The following SUCNR1 variants were observed in gnomAD, a reference collection of about 807,000 sequenced individuals.
SUCNR1 encodes the protein G-protein coupled receptor 91.
A neutral mutation model predicts 2.4 loss-of-function variants in SUCNR1; 5 were observed. The ratio of observed to expected loss-of-function variants is 2.07; its 90% CI spans 1.08 to 4.36. SUCNR1 has a LOEUF of 4.36. Ranked by LOEUF, SUCNR1 falls within the 30% of genes most tolerant of loss-of-function variation. The pLI, the probability that SUCNR1 is intolerant of heterozygous loss-of-function variation, is 0.00. For synonymous variants in SUCNR1, 162 were observed against 143.9 expected, an observed-to-expected ratio of 1.13 and a Z score of -0.90; for missense variants, 373 against 399.2, an observed-to-expected ratio of 0.93 and a Z score of 0.56.
At position 151,883,738 on chromosome 3, in the gene SUCNR1, G is replaced by A. The variant is rs559953034; in HGVS notation, c.*2190G>A. On this transcript the variant is annotated 3_prime_UTR_variant, in exon 3 of 3. Coordinates refer to ENST00000362032, the MANE Select transcript of SUCNR1 (RefSeq NM_033050.6). ...CTAAAGGAAATAATATTGAGCTTTT[G>A]TATTTTGTCTTTTAATTGGCTCCCT... 8.8e-4 allele frequency: 133 copies of A among 151,946 alleles called. 1 individual carries two copies. The highest frequency in any genetic ancestry group is 3.0e-3 in the African/African-American group (126 of 41,472). The allele number at this position is 151,946 out of a possible 1,614,324, so 9.4% of individuals were successfully genotyped here.
Position 151,881,052 on chromosome 3 carries a change from C to T in SUCNR1, c.509C>T (p.Thr170Ile). The T allele has an allele frequency of 6.2e-7, 1 of 1,614,158 alleles. No homozygotes were observed. The highest frequency in any genetic ancestry group is 8.5e-7 in the Non-Finnish European group (1 of 1,180,024). ...LINPVITDNG[T>I]TCNDFASSGD... ...AATCCTGTTATAACTGACAATGGCA[C>T]CACCTGTAATGATTTTGCAAGTTCT... is the stretch of plus-strand genomic sequence containing the variant. The change falls in exon 3 of 3, where the codon ACC (threonine) becomes ATC (isoleucine). Residue 170 changes from threonine (T) to isoleucine (I), a missense_variant. Thr to Ile is a moderately conservative substitution (Grantham distance 89, BLOSUM62 -1). Coordinates refer to ENST00000362032, the MANE Select transcript of SUCNR1 (RefSeq NM_033050.6).
In SUCNR1 at chr3:151,880,861, C is replaced by T; in HGVS notation, c.318C>T (p.Leu106=). The change falls in exon 3 of 3, where the codon CTC becomes CTT. Residue 106 remains leucine (L), a synonymous_variant. Transcript: ENST00000362032. ...ACCGATATGTGCTTCATGCCAACCT[C>T]TATACCAGCATTCTCTTTCTCACTT... is the stretch of plus-strand genomic sequence containing the variant. ...ISNRYVLHAN[L]YTSILFLTFI... The T allele has an allele frequency of 6.2e-7, 1 of 1,614,146 alleles. No individual in the cohort carries two copies. The highest frequency in any genetic ancestry group is 8.5e-7 in the Non-Finnish European group (1 of 1,180,016).
chr3:151,880,138 C>CT (rs1376391118), intron 2 of SUCNR1, among the ~76,000 whole-genome samples: 2 of 152,120 alleles, frequency 1.3e-5, no homozygotes, highest in Admixed American at 1.3e-4. Flanking sequence ...AAGCCTCTCC[C>CT]TTATCACCAC....
Position 151,881,574 on chromosome 3 carries a change from C to T in SUCNR1, c.*26C>T. ...GGGGCTTGTGAAACAGATTGTTCTA[C>T]AGATGAATCTGTAAGCCAGTTACAG... On this transcript the variant is annotated 3_prime_UTR_variant, in exon 3 of 3. Coordinates refer to ENST00000362032, the MANE Select transcript of SUCNR1 (RefSeq NM_033050.6). The T allele has an allele frequency of 1.3e-6, 2 of 1,550,056 alleles. No homozygotes were observed. Among genetic ancestry groups the T allele is most frequent in the South Asian group, 1.3e-5 (1 of 79,242 alleles).
chr3:151,875,545 C>T (rs1329508362), intron 1 of SUCNR1, among the ~76,000 whole-genome samples: 1 of 151,810 alleles, frequency 6.6e-6, no homozygotes, highest in Non-Finnish European at 1.5e-5. Flanking sequence ...AATTATAAAA[C>T]ATCATAAAAA....
chr3:151,883,571 C>T lies in SUCNR1; in HGVS notation c.*2023C>T, dbSNP rs1407774584. ...TTTAAAATTATTTTCTTCCTCAAAT[C>T]TATCATGTGGTAACTTAATCTTTAA... is the stretch of plus-strand genomic sequence containing the variant. On this transcript the variant is annotated 3_prime_UTR_variant, in exon 3 of 3. Transcript: ENST00000362032. 6.9e-6 allele frequency: 1 copy of T among 145,510 alleles called. No homozygotes were observed. Among genetic ancestry groups the T allele is most frequent in the Admixed American group, 7.1e-5 (1 of 14,170 alleles). The allele number at this position is 145,510 out of a possible 1,614,324, so 9.0% of individuals were successfully genotyped here.
chr3:151,878,248 T>A (rs1316411731), intron 1 of SUCNR1, among the ~76,000 whole-genome samples: 1 of 152,082 alleles, frequency 6.6e-6, no homozygotes, highest in South Asian at 2.1e-4. Flanking sequence ...CACGTGAAAC[T>A]AGGGAGAGTT....
At chr3:151,876,187 G>A (rs1180675051) in intron 1 of SUCNR1, among the ~76,000 whole-genome samples, 2 of 152,056 alleles carry the variant, frequency 1.3e-5, no homozygotes, top group Non-Finnish European at 2.9e-5. Context: ...GCCTGAGAAG[G>A]TCCAACATTT....
chr3:151,882,827 T>TTAAAGTCAAACAAC lies in SUCNR1; in HGVS notation c.*1282_*1295dup, dbSNP rs1718142098. 2 of 152,148 alleles carry TTAAAGTCAAACAAC rather than the reference T, an allele frequency of 1.3e-5. 1 individual carries two copies. The highest frequency in any genetic ancestry group is 4.1e-4 in the South Asian group (2 of 4,832). 9.4% of individuals were successfully genotyped at this position (152,148 alleles called of 1,614,324 possible). A position where few individuals can be genotyped will look rare whatever the true frequency, so the allele number is the denominator to read the frequency against. The stretch of plus-strand genomic sequence containing the variant: ...AAAAAATGGGTGCTGCATTAGCTTT[T>TTAAAGTCAAACAAC]TAAAGTCAAACAACTATCACATAAT... On this transcript the variant is annotated 3_prime_UTR_variant, in exon 3 of 3. Transcript: ENST00000362032.
chr3:151,874,909 A>G, intron 1 of SUCNR1, among the ~76,000 whole-genome samples: 1 of 152,054 alleles, frequency 6.6e-6, no homozygotes, highest in East Asian at 1.9e-4. Context: ...TACAAATGTT[A>G]TTTGTTTAAT....
At position 151,880,736 on chromosome 3, in the gene SUCNR1, C is replaced by A; in HGVS notation, c.193C>A (p.Leu65Ile). The change falls in exon 3 of 3, where the codon CTC (leucine) becomes ATC (isoleucine). Residue 65 changes from leucine (L) to isoleucine (I), a missense_variant. Physicochemically the swap from Leu to Ile is conservative, Grantham distance 5. This residue lies in a region of SUCNR1 where 184 missense variants were observed against 162.2 expected (regional missense o/e 1.13). Transcript: ENST00000362032. Reference protein sequence around the residue: ...WNSSNIYLFNLSVSDLAFLCT... With the variant: ...WNSSNIYLFNISVSDLAFLCT... The stretch of plus-strand genomic sequence containing the variant: ...CAGCAGTAATATTTATCTCTTTAAC[C>A]TCTCTGTCTCTGACTTAGCTTTTCT... 9 of 1,614,008 alleles carry A rather than the reference C, an allele frequency of 5.6e-6. No individual in the cohort carries two copies. The highest frequency in any genetic ancestry group is 7.6e-6 in the Non-Finnish European group (9 of 1,179,900).
At position 151,874,157 on chromosome 3, in the gene SUCNR1, T is replaced by A. The variant is rs1329878202; in HGVS notation, c.-42+451T>A. On this transcript the variant is annotated intron_variant, in intron 1 of 2. Transcript: ENST00000362032. ...ATATATATATATATATTTTTTTTTT[T>A]TTTTTTTTTTTTTAAGACAGAGTTT... Among the ~76,000 whole-genome samples, 150 of 102,876 alleles carry A rather than the reference T, an allele frequency of 1.5e-3. 2 individuals are homozygous for A. The highest frequency in any genetic ancestry group is 3.7e-3 in the South Asian group (12 of 3,210). The allele number at this position is 102,876 out of a possible 152,430, so 67.5% of individuals were successfully genotyped here. A position where few individuals can be genotyped will look rare whatever the true frequency, so the allele number is the denominator to read the frequency against.
intron 2 of SUCNR1, 31 bp downstream of exon 2, chr3:151,879,938 A>G: frequency 1.3e-6 from 2 of 1,529,348 alleles, no homozygotes; most frequent in African/African-American, 1.4e-5. Flanking sequence ...GTGAATTCAA[A>G]ATCTTCTCTT....
chr3:151,874,142 ATATATTTTTTTTTTTTT>A (rs1717841915), intron 1 of SUCNR1, among the ~76,000 whole-genome samples: 2 of 53,162 alleles, frequency 3.8e-5, no homozygotes, highest in Non-Finnish European at 8.0e-5. Flanking sequence ...ATATATATAT[ATATATTTTTTTTTTTTT>A]TTTTTTTTTT....
rs201402522 is a variant in SUCNR1 at position 151,883,502 on chromosome 3, A to ATATG, written c.*1957_*1960dup. The ATATG allele has an allele frequency of 1.4e-4, 16 of 115,424 alleles. No homozygotes were observed. The highest frequency in any genetic ancestry group is 1.9e-5 in the Non-Finnish European group (1 of 53,284). 7.1% of individuals were successfully genotyped at this position (115,424 alleles called of 1,614,324 possible). On this transcript the variant is annotated 3_prime_UTR_variant, in exon 3 of 3. Coordinates refer to ENST00000362032, the MANE Select transcript of SUCNR1 (RefSeq NM_033050.6). ...TATATATATATATATATATATATATATATGTACCTTGTAAACAAGAGGTTA... is the reference window on the plus strand; with the variant it reads ...TATATATATATATATATATATATATATATGTATGTACCTTGTAAACAAGAGGTTA...
In SUCNR1 at chr3:151,882,301, A is replaced by T. The variant is rs1021834318; in HGVS notation, c.*753A>T. 3.9e-5 allele frequency: 6 copies of T among 152,170 alleles called. No homozygotes were observed. The highest frequency in any genetic ancestry group is 8.8e-5 in the Non-Finnish European group (6 of 68,006). The allele number at this position is 152,170 out of a possible 1,614,324, so 9.4% of individuals were successfully genotyped here. On this transcript the variant is annotated 3_prime_UTR_variant, in exon 3 of 3. Coordinates refer to ENST00000362032, the MANE Select transcript of SUCNR1 (RefSeq NM_033050.6). ...TAGAACACAAAATGCCTATCAGGAA[A>T]CCCAAAGCAAAACAGAACAAAAAGT... is the stretch of plus-strand genomic sequence containing the variant.
Position 151,882,667 on chromosome 3 carries a change from C to G in SUCNR1, c.*1119C>G, listed in dbSNP as rs1718137705. On this transcript the variant is annotated 3_prime_UTR_variant, in exon 3 of 3. Transcript: ENST00000362032. ...GTTTTCATGCAACATTACCATAAGA[C>G]CATTGGAGTAAATGTTTCAAACAAA... 1 of 152,136 alleles carries G rather than the reference C, an allele frequency of 6.6e-6. No individual in the cohort carries two copies. The highest frequency in any genetic ancestry group is 2.1e-4 in the South Asian group (1 of 4,826). The allele number at this position is 152,136 out of a possible 1,614,324, so 9.4% of individuals were successfully genotyped here.
chr3:151,880,426 G>A, intron 2 of SUCNR1, 133 bp from the exon 3 acceptor site: 1 of 665,378 alleles, frequency 1.5e-6, no homozygotes, highest in South Asian at 2.0e-5. Context: ...ATGTGTGTAT[G>A]CTTTCCTTAC....
rs1718145712 is a variant in SUCNR1 at position 151,882,989 on chromosome 3, C to T, written c.*1441C>T. ...ATACAGAGACATAAAATTCCACTGTCCCTTCCTTTTCTGAAATACTCTGGG... is the reference window on the plus strand; with the variant it reads ...ATACAGAGACATAAAATTCCACTGTTCCTTCCTTTTCTGAAATACTCTGGG... On this transcript the variant is annotated 3_prime_UTR_variant, in exon 3 of 3. Transcript: ENST00000362032. 1 of 152,032 alleles carries T rather than the reference C, an allele frequency of 6.6e-6. No individual in the cohort carries two copies. Among genetic ancestry groups the T allele is most frequent in the Non-Finnish European group, 1.5e-5 (1 of 67,940 alleles). 9.4% of individuals were successfully genotyped at this position (152,032 alleles called of 1,614,324 possible). A position where few individuals can be genotyped will look rare whatever the true frequency, so the allele number is the denominator to read the frequency against.
Sources: allele counts gnomAD v4.1 joint callset (sites outside exome capture counted in the v4.1 genomes callset), GRCh38; gene constraint gnomAD v4.1.1; regional missense constraint gnomAD v4.1.1; transcripts MANE v1.5; gene names NCBI Gene and HGNC (gene_info 2026-07-23, HGNC 2026-07-21).